Variants in SYT17 observed in about 807,000 individuals in gnomAD.
The protein encoded by SYT17 is synaptotagmin 17, also known as synaptotagmin-17.
Under a neutral mutation model 46.7 loss-of-function variants are expected in SYT17, and 22 were observed. The ratio of observed to expected loss-of-function variants is 0.47; its 90% CI spans 0.34 to 0.67. The LOEUF (loss-of-function observed/expected upper bound fraction) is 0.67, where lower values mean the gene tolerates loss of function less well. Ranked by LOEUF, SYT17 falls within the 30% of genes least tolerant of loss-of-function variation. The pLI is 0.01. For synonymous variants in SYT17, 251 were observed against 248.4 expected (o/e 1.01, Z -0.10); for missense variants, 519 against 612.8 (o/e 0.85, Z 1.62).
chr16:19,224,649 T>G (rs761672917), intron 6 of SYT17, 34 bp from the exon 7 acceptor site: 4 of 1,610,044 alleles, frequency 2.5e-6, no homozygotes, highest in Admixed American at 3.3e-5. Flanking sequence ...TTTCATGATC[T>G]CCAACATTCT....
At chr16:19,260,292 C>G (rs867311401) in intron 7 of SYT17, among the ~76,000 whole-genome samples, 1 of 138,272 alleles carries the variant, frequency 7.2e-6, no homozygotes, top group African/African-American at 2.8e-5. Flanking sequence ...GAGTTAGAGA[C>G]CAGCCTGAGC....
intron 3 of SYT17, 82 bp downstream of exon 3, chr16:19,173,660 G>A: frequency 1.4e-6 from 2 of 1,473,114 alleles, no homozygotes; most frequent in South Asian, 2.6e-5. Context: ...GGGGGTCTGG[G>A]CCACGGGAGG....
chr16:19,244,060 A>G (rs1214410723), intron 7 of SYT17, among the ~76,000 whole-genome samples: 4 of 152,162 alleles, frequency 2.6e-5, no homozygotes, highest in Non-Finnish European at 4.4e-5. Context: ...TAGCTCTTAT[A>G]ATAAAAATAG....
intron 5 of SYT17, among the ~76,000 whole-genome samples, chr16:19,191,294 G>A (rs1016371582): frequency 6.6e-6 from 1 of 152,212 alleles, no homozygotes; most frequent in Non-Finnish European, 1.5e-5. Context: ...CTAACCCCGA[G>A]GGGATGGTAT....
intron 7 of SYT17, among the ~76,000 whole-genome samples, chr16:19,254,659 C>A (rs724307): frequency 0.52 from 78,895 of 151,978 alleles, 21,833 homozygotes; most frequent in South Asian, 0.64. Flanking sequence ...AATATTGTAA[C>A]TAGCTCTGTA....
chr16:19,248,504 A>C (rs371304701), intron 7 of SYT17, among the ~76,000 whole-genome samples: 17 of 152,314 alleles, frequency 1.1e-4, no homozygotes, highest in African/African-American at 3.6e-4. Context: ...ATGGATAAAC[A>C]AATTGTGAGA....
At chr16:19,229,503 A>G (rs1330488663) in intron 7 of SYT17, among the ~76,000 whole-genome samples, 1 of 152,152 alleles carries the variant, frequency 6.6e-6, no homozygotes, top group African/African-American at 2.4e-5. Flanking sequence ...ATGCTAAACC[A>G]TTCATGAGAA....
chr16:19,192,136 A>T (rs1965047108), intron 5 of SYT17, among the ~76,000 whole-genome samples: 1 of 152,196 alleles, frequency 6.6e-6, no homozygotes, highest in Non-Finnish European at 1.5e-5. Flanking sequence ...AGTGTAAGCC[A>T]TGGCCAGGCA....
intron 7 of SYT17, among the ~76,000 whole-genome samples, chr16:19,232,924 C>A (rs950686839): frequency 6.6e-6 from 1 of 152,234 alleles, no homozygotes; most frequent in Middle Eastern, 3.4e-3. Flanking sequence ...CCTGTCTGTA[C>A]GTTAGTATTA....
chr16:19,173,646 G>T, intron 3 of SYT17, 68 bp downstream of exon 3: 2 of 1,555,424 alleles, frequency 1.3e-6, no homozygotes. Context: ...TGAGAAGGCG[G>T]GTTGGGGGTC....
At chr16:19,216,716 C>A (rs1371480730) in intron 5 of SYT17, among the ~76,000 whole-genome samples, 1 of 152,124 alleles carries the variant, frequency 6.6e-6, no homozygotes. Flanking sequence ...TGAACTCATC[C>A]TTTTTTATGG....
At chr16:19,185,731 C>T (rs1373605337) in intron 5 of SYT17, among the ~76,000 whole-genome samples, 1 of 152,236 alleles carries the variant, frequency 6.6e-6, no homozygotes, top group African/African-American at 2.4e-5. Context: ...TGCTCCCTCA[C>T]CTCACTTCAG....
At chr16:19,178,909 A>G (rs1244879873) in intron 3 of SYT17, among the ~76,000 whole-genome samples, 1 of 151,966 alleles carries the variant, frequency 6.6e-6, no homozygotes, top group Non-Finnish European at 1.5e-5. Flanking sequence ...AATAATATCA[A>G]CTAAGCTGGG....
chr16:19,246,154 G>A (rs959375645), intron 7 of SYT17, among the ~76,000 whole-genome samples: 17 of 151,906 alleles, frequency 1.1e-4, no homozygotes, highest in Admixed American at 1.1e-3. Flanking sequence ...AGCAAGCCCA[G>A]CTAATTTTTG....
chr16:19,198,422 CCAG>C (rs929031183), intron 5 of SYT17, among the ~76,000 whole-genome samples: 1 of 152,184 alleles, frequency 6.6e-6, no homozygotes, highest in Non-Finnish European at 1.5e-5. Flanking sequence ...CCAACCACTT[CCAG>C]CAGTGTGACC....
chr16:19,261,055 G>T (rs1052773229), intron 7 of SYT17, among the ~76,000 whole-genome samples: 1 of 152,006 alleles, frequency 6.6e-6, no homozygotes, highest in South Asian at 2.1e-4. Flanking sequence ...TGCCCAAGCT[G>T]GTCTCGAACT....
intron 7 of SYT17, among the ~76,000 whole-genome samples, chr16:19,233,287 C>T (rs970076378): frequency 3.2e-4 from 48 of 152,030 alleles, no homozygotes; most frequent in African/African-American, 1.1e-3. Context: ...GGGTGGGAGG[C>T]CTGGAGGGCA....
intron 7 of SYT17, among the ~76,000 whole-genome samples, chr16:19,249,709 A>T (rs559816878): frequency 6.6e-6 from 1 of 152,210 alleles, no homozygotes; most frequent in African/African-American, 2.4e-5. Context: ...CAGTGTGCTC[A>T]TTGGTACAAA....
At chr16:19,229,264 G>T (rs1358630082) in intron 7 of SYT17, among the ~76,000 whole-genome samples, 1 of 152,190 alleles carries the variant, frequency 6.6e-6, no homozygotes, top group Non-Finnish European at 1.5e-5. Context: ...ATAAAGAAAA[G>T]AGTTTAATTG....
Sources: gnomAD v4.1 joint callset for allele counts (sites outside exome capture counted in the v4.1 genomes callset) on GRCh38, gnomAD v4.1.1 for gene constraint, MANE v1.5 for transcripts, NCBI Gene and HGNC (gene_info 2026-07-23, HGNC 2026-07-21) for gene names.